MPZL1: variants seen among roughly 807,000 people sequenced by gnomAD.
MPZL1 encodes the protein myelin protein zero-like protein 1.
Under a neutral mutation model 29.3 loss-of-function variants are expected in MPZL1, and 16 were observed. That is an observed-to-expected ratio of 0.55 (90% CI 0.37 to 0.83). The LOEUF (loss-of-function observed/expected upper bound fraction) is 0.83, where lower values mean the gene tolerates loss of function less well. MPZL1 is among the 40% of genes least tolerant of loss of function. MPZL1 has a pLI of 0.00. For synonymous variants in MPZL1, 143 were observed against 132.0 expected (o/e 1.08, Z -0.57); for missense variants, 279 against 332.9 (o/e 0.84, Z 1.26).
chr1:167,769,566 T>C (rs1274268019), intron 2 of MPZL1, among the ~76,000 whole-genome samples: 1 of 152,180 alleles, frequency 6.6e-6, no homozygotes, highest in Non-Finnish European at 1.5e-5. Flanking sequence ...CTGAGTCTTC[T>C]TCATGGGAGT....
At chr1:167,752,142 C>T (rs2101768738) in intron 1 of MPZL1, among the ~76,000 whole-genome samples, 1 of 152,304 alleles carries the variant, frequency 6.6e-6, no homozygotes, top group Non-Finnish European at 1.5e-5. Context: ...TAAACATCAT[C>T]TCATGTTTTT....
chr1:167,759,149 A>T (rs933471006), intron 1 of MPZL1, among the ~76,000 whole-genome samples: 10 of 152,250 alleles, frequency 6.6e-5, no homozygotes, highest in African/African-American at 2.4e-4. Context: ...TGCCATAATT[A>T]TAAATCCTTG....
At position 167,791,011 on chromosome 1, in the gene MPZL1, C is replaced by G. The variant is rs1558129645; in HGVS notation, c.*3090C>G. 6.6e-6 allele frequency: 1 copy of G among 152,240 alleles called. No homozygotes were observed. Among genetic ancestry groups the G allele is most frequent in the Non-Finnish European group, 1.5e-5 (1 of 68,072 alleles). The allele number at this position is 152,240 out of a possible 1,614,324, so 9.4% of individuals were successfully genotyped here. A position where few individuals can be genotyped will look rare whatever the true frequency, so the allele number is the denominator to read the frequency against. On this transcript the variant is annotated 3_prime_UTR_variant, in exon 6 of 6. Coordinates refer to ENST00000359523, the MANE Select transcript of MPZL1 (RefSeq NM_003953.6). ...AATATTCCTGTGGTTTGCTCTCTGA[C>G]TTCCTTTAAGCCTCTGCTCAAATGT... is the stretch of plus-strand genomic sequence containing the variant.
intron 1 of MPZL1, among the ~76,000 whole-genome samples, chr1:167,763,595 G>A (rs1290786765): frequency 6.6e-6 from 1 of 152,104 alleles, no homozygotes; most frequent in African/African-American, 2.4e-5. Flanking sequence ...CATCACCATG[G>A]AGAAAACTAG....
chr1:167,769,507 G>A (rs866508274), intron 2 of MPZL1, among the ~76,000 whole-genome samples: 1 of 152,204 alleles, frequency 6.6e-6, no homozygotes, highest in South Asian at 2.1e-4. Flanking sequence ...TGGGACTTGC[G>A]GGGCAAGAGA....
intron 1 of MPZL1, among the ~76,000 whole-genome samples, chr1:167,739,671 C>G (rs982435177): frequency 1.3e-5 from 2 of 152,142 alleles, no homozygotes; most frequent in Non-Finnish European, 2.9e-5. Context: ...AGCCATATAC[C>G]TGGGGAATAT....
At chr1:167,772,559 T>A in intron 3 of MPZL1, 71 bp downstream of exon 3, 2 of 1,389,538 alleles carry the variant, frequency 1.4e-6, no homozygotes, top group Non-Finnish European at 2.0e-6. Flanking sequence ...AAAACATGAG[T>A]TGCATTTCAT....
intron 5 of MPZL1, among the ~76,000 whole-genome samples, 154 bp from the exon 6 acceptor site, chr1:167,787,666 G>A (rs1216737067): frequency 6.6e-6 from 1 of 152,214 alleles, no homozygotes; most frequent in East Asian, 1.9e-4. Flanking sequence ...AGTCCTGGAT[G>A]TATCATCCAT....
intron 4 of MPZL1, among the ~76,000 whole-genome samples, chr1:167,774,374 T>A (rs1469985233): frequency 6.6e-6 from 1 of 152,196 alleles, no homozygotes; most frequent in African/African-American, 2.4e-5. Flanking sequence ...TGTCCTGAAC[T>A]CTCTTGCTGG....
rs1242587300 is a variant in MPZL1 at position 167,790,081 on chromosome 1, T to C, written c.*2160T>C. 1 of 152,242 alleles carries C rather than the reference T, an allele frequency of 6.6e-6. No homozygotes were observed. The highest frequency in any genetic ancestry group is 6.5e-5 in the Admixed American group (1 of 15,284). 9.4% of individuals were successfully genotyped at this position (152,242 alleles called of 1,614,324 possible). On this transcript the variant is annotated 3_prime_UTR_variant, in exon 6 of 6. Coordinates refer to ENST00000359523, the MANE Select transcript of MPZL1 (RefSeq NM_003953.6). ...TGTGTCATGTTTCCTTACAGTCGTT[T>C]TTTACAGAGAAAAGGGGCATTGTTT...
At chr1:167,724,521 T>C (rs1022017485) in intron 1 of MPZL1, among the ~76,000 whole-genome samples, 19 of 152,194 alleles carry the variant, frequency 1.2e-4, no homozygotes, top group Non-Finnish European at 1.5e-5. Flanking sequence ...GATGCGCCAC[T>C]TAGAAAGTAC....
chr1:167,773,120 A>G, intron 3 of MPZL1, 116 bp from the exon 4 acceptor site: 1 of 1,053,250 alleles, frequency 9.5e-7, no homozygotes, highest in South Asian at 1.6e-5. Context: ...TAGTTTGGAT[A>G]ATAAAAGAGG....
chr1:167,786,435 G>A (rs1290417187), intron 5 of MPZL1, among the ~76,000 whole-genome samples: 5 of 152,140 alleles, frequency 3.3e-5, no homozygotes, highest in Non-Finnish European at 5.9e-5. Context: ...ATTATTAGTA[G>A]TACCATTTTA....
intron 1 of MPZL1, among the ~76,000 whole-genome samples, chr1:167,752,139 C>G (rs1405000063): frequency 5.3e-5 from 8 of 152,204 alleles, no homozygotes; most frequent in African/African-American, 1.9e-4. Flanking sequence ...CTTTAAACAT[C>G]ATCTCATGTT....
chr1:167,760,034 G>T (rs889186815), intron 1 of MPZL1, among the ~76,000 whole-genome samples: 4 of 152,074 alleles, frequency 2.6e-5, no homozygotes, highest in Non-Finnish European at 4.4e-5. Flanking sequence ...GATCTCTTTG[G>T]CCTCTCTGTG....
At chr1:167,742,373 A>G (rs985787212) in intron 1 of MPZL1, among the ~76,000 whole-genome samples, 2 of 152,138 alleles carry the variant, frequency 1.3e-5, no homozygotes, top group African/African-American at 4.8e-5. Context: ...TATAACAAGT[A>G]TAAGAGTGTA....
rs1337988696 is a variant in MPZL1, at chr1:167,778,512, A to AGAAG, written c.708+2357_708+2360dup. Among the ~76,000 whole-genome samples, 307 of 145,704 alleles carry AGAAG rather than the reference A, an allele frequency of 2.1e-3. 1 individual carries two copies. The highest frequency in any genetic ancestry group is 7.5e-3 in the African/African-American group (291 of 38,872). On this transcript the variant is annotated intron_variant, in intron 5 of 5. Transcript: ENST00000359523. ...ATCTCAAATAAATAGATGGGTGGAA[A>AGAAG]GAAGGAAGGAAGGATGGATGGATGG...
chr1:167,722,883 G>A (rs1235399072), intron 1 of MPZL1, among the ~76,000 whole-genome samples: 1 of 152,152 alleles, frequency 6.6e-6, no homozygotes, highest in African/African-American at 2.4e-5. Context: ...AGATGGCCTG[G>A]CTTAAAAGAA....
chr1:167,765,501 T>TA, intron 1 of MPZL1, 82 bp from the exon 2 acceptor site: 1 of 1,224,292 alleles, frequency 8.2e-7, no homozygotes, highest in Non-Finnish European at 1.1e-6. Flanking sequence ...AACTTTGCTG[T>TA]ATCTTTTCTT....
Sources: allele counts gnomAD v4.1 joint callset (sites outside exome capture counted in the v4.1 genomes callset), GRCh38; gene constraint gnomAD v4.1.1; transcripts MANE v1.5; gene names NCBI Gene and HGNC (gene_info 2026-07-23, HGNC 2026-07-21).